JARID2: variants seen among roughly 807,000 people sequenced by gnomAD.
JARID2 encodes the protein jumonji and AT-rich interaction domain containing 2, also known as protein Jumonji.
In JARID2, 21 loss-of-function variants were observed where a neutral mutation model predicts 125.6. The ratio of observed to expected loss-of-function variants is 0.17; its 90% CI spans 0.12 to 0.24. The LOEUF (loss-of-function observed/expected upper bound fraction) is 0.24. JARID2 is among the 10% of genes least tolerant of loss of function. JARID2 has a pLI of 1.00. For synonymous variants in JARID2, 736 were observed against 661.6 expected, an observed-to-expected ratio of 1.11 and a Z score of -1.73; for missense variants, 1,303 against 1,639.6, an observed-to-expected ratio of 0.79 and a Z score of 3.55.
intron 1 of JARID2, among the ~76,000 whole-genome samples, chr6:15,366,860 C>G (rs537931344): frequency 6.6e-6 from 1 of 152,186 alleles, no homozygotes; most frequent in East Asian, 1.9e-4. Flanking sequence ...TGAATTCCAA[C>G]TTTAGAACAG....
In JARID2 at chr6:15,501,254, G is replaced by T. The variant is rs1383677275; in HGVS notation, c.2293G>T (p.Ala765Ser). Reference protein sequence around the residue: ...EPKNGLIHGVAPRNGFRSKLK... With the variant: ...EPKNGLIHGVSPRNGFRSKLK... ...CAAGAATGGGCTCATCCACGGCGTGGCCCCCAGGAACGGCTTCCGCAGCAA... is the reference window on the plus strand; with the variant it reads ...CAAGAATGGGCTCATCCACGGCGTGTCCCCCAGGAACGGCTTCCGCAGCAA... The change falls in exon 8 of 18, where the codon GCC (alanine) becomes TCC (serine). Residue 765 changes from alanine to serine, a missense_variant. Physicochemically the swap from Ala to Ser is moderately conservative, Grantham distance 99. This residue lies in a region of JARID2 where 124 missense variants were observed against 131.0 expected (regional missense o/e 0.95). Coordinates refer to ENST00000341776, the MANE Select transcript of JARID2 (RefSeq NM_004973.4). 5 of 1,613,626 alleles carry T rather than the reference G, an allele frequency of 3.1e-6. No individual in the cohort carries two copies. The highest frequency in any genetic ancestry group is 4.2e-6 in the Non-Finnish European group (5 of 1,179,684).
chr6:15,435,706 C>G (rs1053267903), intron 3 of JARID2, among the ~76,000 whole-genome samples: 1 of 151,996 alleles, frequency 6.6e-6, no homozygotes, highest in Non-Finnish European at 1.5e-5. Flanking sequence ...CCATGCTTTG[C>G]TACATTTTAT....
At chr6:15,261,528 G>A (rs533027176) in intron 1 of JARID2, among the ~76,000 whole-genome samples, 6 of 151,864 alleles carry the variant, frequency 4.0e-5, no homozygotes, top group Non-Finnish European at 5.9e-5. Context: ...ATGTTAGTTT[G>A]CCAGGATGGT....
At chr6:15,277,428 A>G (rs58471198) in intron 1 of JARID2, among the ~76,000 whole-genome samples, 5,752 of 152,096 alleles carry the variant, frequency 0.038, 384 homozygotes, top group African/African-American at 0.13. Flanking sequence ...TCTTGGCCTT[A>G]ATTGTTCTGA....
At chr6:15,351,470 C>T (rs764504597) in intron 1 of JARID2, among the ~76,000 whole-genome samples, 1 of 152,166 alleles carries the variant, frequency 6.6e-6, no homozygotes, top group African/African-American at 2.4e-5. Context: ...TGGGTCTCAT[C>T]CCTGCTCTGC....
chr6:15,519,735 G>T (rs1025424389), intron 17 of JARID2, among the ~76,000 whole-genome samples: 4 of 152,230 alleles, frequency 2.6e-5, no homozygotes, highest in African/African-American at 9.6e-5. Flanking sequence ...CATCCAGGAT[G>T]TAACAAAGCC....
rs1770449757 is a variant in JARID2, at chr6:15,496,657, A to G, written c.1432A>G (p.Arg478Gly). Residue 478 changes from arginine to glycine, a missense_variant, in exon 7 of 18, where the codon AGA (arginine) becomes GGA (glycine). By Grantham distance (125) the Arg-to-Gly change is moderately radical (BLOSUM62 -2). Around this residue, in one of 11 missense-constraint regions of JARID2, gnomAD observed 651 missense variants for 581.6 expected, o/e 1.12. Transcript: ENST00000341776. The stretch of plus-strand genomic sequence containing the variant: ...CCCTGGCAAGAAGGCCCCGGCCGAG[A>G]GAGGTCTGCTGAACGGACACGTGAA... Reference protein sequence around the residue: ...EGPGKKAPAERGLLNGHVKKE... With the variant: ...EGPGKKAPAEGGLLNGHVKKE... 6.2e-7 allele frequency: 1 copy of G among 1,612,554 alleles called. No individual in the cohort carries two copies. The highest frequency in any genetic ancestry group is 2.2e-5 in the East Asian group (1 of 44,864).
chr6:15,496,517 T>G lies in JARID2; in HGVS notation c.1292T>G (p.Leu431Arg), dbSNP rs753950992. 3 of 1,601,874 alleles carry G rather than the reference T, an allele frequency of 1.9e-6. No individual in the cohort carries two copies. The highest frequency in any genetic ancestry group is 2.6e-6 in the Non-Finnish European group (3 of 1,174,092). Residue 431 changes from leucine to arginine, a missense_variant, in exon 7 of 18, where the codon CTG becomes CGG. By Grantham distance (102) the Leu-to-Arg change is moderately radical. Around this residue, in one of 11 missense-constraint regions of JARID2, gnomAD observed 651 missense variants for 581.6 expected, o/e 1.12. Coordinates refer to ENST00000341776, the MANE Select transcript of JARID2 (RefSeq NM_004973.4). ...GGGGGGCGGCAGCTGCGGGAGGGCC[T>G]GCAGCTGCGGGAGGGGCTGCGGAAC... The part of the protein sequence containing the change: ...EVGGRQLREG[L>R]QLREGLRNSK...
At chr6:15,313,916 A>C (rs1404679705) in intron 1 of JARID2, among the ~76,000 whole-genome samples, 2 of 152,160 alleles carry the variant, frequency 1.3e-5, no homozygotes, top group African/African-American at 4.8e-5. Flanking sequence ...GTGTCTCCCC[A>C]AATATCCTTA....
At chr6:15,482,749 T>C (rs1012533974) in intron 5 of JARID2, among the ~76,000 whole-genome samples, 5 of 152,262 alleles carry the variant, frequency 3.3e-5, no homozygotes, top group African/African-American at 1.2e-4. Flanking sequence ...ACTGGTAGTT[T>C]CCTACAGGTC....
At chr6:15,419,580 A>G (rs2299051) in intron 3 of JARID2, among the ~76,000 whole-genome samples, 20,771 of 152,236 alleles carry the variant, frequency 0.14, 1,583 homozygotes, top group African/African-American at 0.18. Context: ...TTAAAAAAAT[A>G]CTTTTATGAT....
chr6:15,400,386 A>G (rs1765379030), intron 2 of JARID2, among the ~76,000 whole-genome samples: 1 of 152,002 alleles, frequency 6.6e-6, no homozygotes. Flanking sequence ...AAACAAATAA[A>G]AATAAATAAA....
chr6:15,468,307 A>AT (rs1222874433), intron 4 of JARID2, among the ~76,000 whole-genome samples: 1 of 151,270 alleles, frequency 6.6e-6, no homozygotes, highest in African/African-American at 2.4e-5. Flanking sequence ...TTCAGATGAG[A>AT]TTTTAAAAAT....
At chr6:15,510,850 G>C (rs1295367435) in intron 12 of JARID2, among the ~76,000 whole-genome samples, 1 of 152,232 alleles carries the variant, frequency 6.6e-6, no homozygotes, top group Admixed American at 6.5e-5. Context: ...GGCCGAGGGA[G>C]CCACGTATTC....
At position 15,256,129 on chromosome 6, in the gene JARID2, A is replaced by G. The variant is rs569718976; in HGVS notation, c.45+9545A>G. Reference sequence around the variant, plus strand: ...ACTGCATACTGCTGCACAAATGCTCAAGGTATTATTACCCAGTTGGAAATC... The same window carrying G: ...ACTGCATACTGCTGCACAAATGCTCGAGGTATTATTACCCAGTTGGAAATC... On this transcript the variant is annotated intron_variant, in intron 1 of 17. Coordinates refer to ENST00000341776, the MANE Select transcript of JARID2 (RefSeq NM_004973.4). 9.1e-4 allele frequency among the ~76,000 whole-genome samples: 139 copies of G among 152,322 alleles called. 3 individuals are homozygous for G. In the South Asian group the frequency reaches 0.028, roughly 30 times the overall value.
chr6:15,473,014 A>G (rs909346576), intron 5 of JARID2, among the ~76,000 whole-genome samples: 3 of 150,892 alleles, frequency 2.0e-5, no homozygotes, highest in Admixed American at 1.3e-4. Flanking sequence ...AATTTTTCCT[A>G]CAGAATTTGT....
At chr6:15,449,523 C>T (rs1326600488) in intron 3 of JARID2, among the ~76,000 whole-genome samples, 1 of 151,724 alleles carries the variant, frequency 6.6e-6, no homozygotes, top group Non-Finnish European at 1.5e-5. Context: ...CCAAAAACAG[C>T]TGGGTGTGGT....
chr6:15,480,035 T>A (rs1297070449), intron 5 of JARID2, among the ~76,000 whole-genome samples: 2 of 152,258 alleles, frequency 1.3e-5, no homozygotes, highest in East Asian at 3.8e-4. Context: ...GTCTGTGTCT[T>A]GCCCAAGGAA....
intron 2 of JARID2, among the ~76,000 whole-genome samples, chr6:15,378,954 G>T (rs1054118159): frequency 3.3e-5 from 5 of 152,202 alleles, no homozygotes; most frequent in African/African-American, 1.2e-4. Flanking sequence ...CCCTTCATCT[G>T]TGTGAAGGGG....
Sources: allele counts gnomAD v4.1 joint callset (sites outside exome capture counted in the v4.1 genomes callset), GRCh38; gene constraint gnomAD v4.1.1; regional missense constraint gnomAD v4.1.1; transcripts MANE v1.5; gene names NCBI Gene and HGNC (gene_info 2026-07-23, HGNC 2026-07-21).